IMMP2L: variants seen among roughly 807,000 people sequenced by gnomAD.
IMMP2L encodes the protein mitochondrial inner membrane protease subunit 2.
IMMP2L carries 18 observed loss-of-function variants against 19.3 expected under a neutral mutation model. The ratio of observed to expected loss-of-function variants is 0.93; its 90% confidence interval spans 0.64 to 1.38. The LOEUF is 1.38. IMMP2L is among the 40% of genes most tolerant of loss of function. The pLI, the probability that IMMP2L is intolerant of heterozygous loss-of-function variation, is 0.00. For synonymous variants in IMMP2L, 76 were observed against 73.0 expected, an observed-to-expected ratio of 1.04 and a Z score of -0.21; for missense variants, 233 against 218.2, an observed-to-expected ratio of 1.07 and a Z score of -0.43.
At chr7:111,185,809 T>C (rs1299855887) in intron 3 of IMMP2L, among the ~76,000 whole-genome samples, 4 of 152,186 alleles carry the variant, frequency 2.6e-5, no homozygotes, top group East Asian at 1.9e-4. Flanking sequence ...TATAAACAGA[T>C]ATGAGTAATT....
chr7:111,525,248 C>T (rs1161422142), intron 1 of IMMP2L, among the ~76,000 whole-genome samples: 1 of 152,028 alleles, frequency 6.6e-6, no homozygotes. Flanking sequence ...ATGTCACATG[C>T]CAAAGTCCCT....
intron 5 of IMMP2L, among the ~76,000 whole-genome samples, chr7:110,723,769 T>G (rs10499994): frequency 0.19 from 28,457 of 151,454 alleles, 3,171 homozygotes; most frequent in Non-Finnish European, 0.25. Flanking sequence ...GATATAGATA[T>G]GCCATGTAAC....
At chr7:110,960,886 TATCTC>T (rs1818861211) in intron 4 of IMMP2L, among the ~76,000 whole-genome samples, 1 of 151,936 alleles carries the variant, frequency 6.6e-6, no homozygotes, top group African/African-American at 2.4e-5. Flanking sequence ...TCTGAACAGT[TATCTC>T]ACCCAAAAAG....
intron 3 of IMMP2L, among the ~76,000 whole-genome samples, chr7:111,268,215 C>G (rs909694098): frequency 3.3e-5 from 5 of 151,972 alleles, no homozygotes; most frequent in Non-Finnish European, 5.9e-5. Context: ...TTTTAAAAAG[C>G]TGATATCCCT....
intron 3 of IMMP2L, among the ~76,000 whole-genome samples, chr7:111,076,553 G>A (rs1795432461): frequency 6.6e-6 from 1 of 152,156 alleles, no homozygotes; most frequent in Admixed American, 6.5e-5. Context: ...CTTCCATTCA[G>A]TCTGTAGCTC....
intron 2 of IMMP2L, among the ~76,000 whole-genome samples, chr7:111,488,828 A>G (rs1842862982): frequency 6.6e-6 from 1 of 152,044 alleles, no homozygotes; most frequent in African/African-American, 2.4e-5. Flanking sequence ...CAGCAGCGTA[A>G]AAGTGTTTCC....
At chr7:111,289,281 C>A (rs1820831663) in intron 3 of IMMP2L, among the ~76,000 whole-genome samples, 1 of 151,412 alleles carries the variant, frequency 6.6e-6, no homozygotes. Context: ...GGTTGGGGGG[C>A]TAGGGAAGGG....
At chr7:111,499,755 T>C (rs1473397423) in intron 2 of IMMP2L, among the ~76,000 whole-genome samples, 1 of 152,144 alleles carries the variant, frequency 6.6e-6, no homozygotes, top group African/African-American at 2.4e-5. Flanking sequence ...GGTTCCCTAA[T>C]TTATTGGTCT....
At chr7:111,116,944 T>G (rs1445413783) in intron 3 of IMMP2L, among the ~76,000 whole-genome samples, 1 of 152,158 alleles carries the variant, frequency 6.6e-6, no homozygotes, top group South Asian at 2.1e-4. Context: ...TGAATTCACA[T>G]CTGAATTTAG....
At chr7:110,841,536 C>T (rs559979968) in intron 5 of IMMP2L, among the ~76,000 whole-genome samples, 14 of 152,122 alleles carry the variant, frequency 9.2e-5, no homozygotes, top group Admixed American at 5.2e-4. Flanking sequence ...AACAAATATT[C>T]CCACATGAAT....
At chr7:110,956,821 A>G (rs954552243) in intron 4 of IMMP2L, among the ~76,000 whole-genome samples, 1 of 151,996 alleles carries the variant, frequency 6.6e-6, no homozygotes, top group Non-Finnish European at 1.5e-5. Flanking sequence ...TCTATGAAAC[A>G]GAAATACAAG....
At chr7:111,030,445 G>T (rs991207092) in intron 3 of IMMP2L, among the ~76,000 whole-genome samples, 1 of 152,042 alleles carries the variant, frequency 6.6e-6, no homozygotes, top group African/African-American at 2.4e-5. Flanking sequence ...TTATTATGAA[G>T]TATTTTTTAT....
chr7:111,432,752 A>G (rs947004611), intron 3 of IMMP2L, among the ~76,000 whole-genome samples: 6 of 151,542 alleles, frequency 4.0e-5, no homozygotes, highest in Non-Finnish European at 7.4e-5. Context: ...AAGGCATCCA[A>G]ATTGGATGCC....
At chr7:111,023,717 CA>C (rs1826528883) in intron 3 of IMMP2L, among the ~76,000 whole-genome samples, 1 of 152,032 alleles carries the variant, frequency 6.6e-6, no homozygotes, top group Admixed American at 6.6e-5. Context: ...TAAAACAAAA[CA>C]AAACAAAACA....
intron 3 of IMMP2L, among the ~76,000 whole-genome samples, chr7:111,300,987 G>C (rs934493854): frequency 6.6e-6 from 1 of 152,046 alleles, no homozygotes; most frequent in African/African-American, 2.4e-5. Context: ...TATGGTAATT[G>C]CATGTTTAGG....
intron 3 of IMMP2L, among the ~76,000 whole-genome samples, chr7:111,147,764 T>C (rs117099636): frequency 0.012 from 1,784 of 152,214 alleles, 10 homozygotes; most frequent in Middle Eastern, 0.044. Context: ...TCCAAAAATC[T>C]ACTCCTCCAT....
rs1208874774 is a variant in IMMP2L at position 111,414,192 on chromosome 7, C to A, written c.239+73046G>T. Among the ~76,000 whole-genome samples, 3 of 151,784 alleles carry A rather than the reference C, an allele frequency of 2.0e-5. No homozygotes were observed. The East Asian group carries it at 5.8e-4, about 29-fold the overall frequency. ...TAGAACCAGAAAGAGAAGCCCCTTC[C>A]TCCTGTTCCCCTGCAGGAAGATTCC... On this transcript the variant is annotated intron_variant, in intron 3 of 5. Coordinates refer to ENST00000405709, the MANE Select transcript of IMMP2L (RefSeq NM_032549.4).
At chr7:111,487,494 T>C (rs758782202) in intron 2 of IMMP2L, among the ~76,000 whole-genome samples, 153 bp from the exon 3 acceptor site, 3 of 152,086 alleles carry the variant, frequency 2.0e-5, no homozygotes, top group Non-Finnish European at 4.4e-5. Context: ...AAATGATGAG[T>C]TTTCAAAAAG....
chr7:110,737,588 C>T (rs983003814), intron 5 of IMMP2L, among the ~76,000 whole-genome samples: 4 of 152,158 alleles, frequency 2.6e-5, no homozygotes, highest in African/African-American at 9.7e-5. Flanking sequence ...CTCTACCTGC[C>T]CTGGTAGCTG....
Sources: gnomAD v4.1 joint callset for allele counts (sites outside exome capture counted in the v4.1 genomes callset) on GRCh38, gnomAD v4.1.1 for gene constraint, MANE v1.5 for transcripts, NCBI Gene and HGNC (gene_info 2026-07-23, HGNC 2026-07-21) for gene names.